The following CIC variants were observed in gnomAD, a reference collection of about 807,000 sequenced individuals.
CIC encodes protein capicua homolog.
A neutral mutation model predicts 115.7 loss-of-function variants in CIC; 18 were observed. The observed-to-expected ratio is 0.16, with a 90% CI of 0.11 to 0.23. The LOEUF is 0.23. Ranked by LOEUF, CIC falls within the 10% of genes least tolerant of loss-of-function variation. The pLI, the probability that CIC is intolerant of heterozygous loss-of-function variation, is 1.00. For missense variants in CIC, 2,000 were observed against 2,159.3 expected, an observed-to-expected ratio of 0.93 and a Z score of 1.46; for synonymous variants, 1,076 against 923.0, an observed-to-expected ratio of 1.17 and a Z score of -3.01.
chr19:42,281,515 C>T (rs2037250354), intron 2 of CIC, among the ~76,000 whole-genome samples: 1 of 152,156 alleles, frequency 6.6e-6, no homozygotes, highest in Non-Finnish European at 1.5e-5. Context: ...GGGTGGCTGC[C>T]ATCACAGTCC....
chr19:42,278,111 G>C (rs1395752445), intron 2 of CIC, among the ~76,000 whole-genome samples: 2 of 152,242 alleles, frequency 1.3e-5, no homozygotes, highest in Non-Finnish European at 2.9e-5. Context: ...ATTTGCTTCC[G>C]CTGGGGGACT....
In CIC at chr19:42,270,229, C is replaced by G. The variant is rs928224246; in HGVS notation, c.-11+848C>G. ...AACTTCTGGGCATTTGGGTGCCAGC[C>G]CCGGGACGCCCTCCAGGCTCTGCCT... On this transcript the variant is annotated intron_variant, in intron 1 of 20. Transcript: ENST00000681038. The surrounding 1 kb of genome is among the most constrained non-coding windows in gnomAD (Gnocchi z 4.1). Among the ~76,000 whole-genome samples the G allele has an allele frequency of 6.6e-6, 1 of 152,110 alleles. No homozygotes were observed. The highest frequency in any genetic ancestry group is 2.4e-5 in the African/African-American group (1 of 41,398).
chr19:42,275,992 G>A (rs574804103), intron 2 of CIC, among the ~76,000 whole-genome samples: 89 of 152,310 alleles, frequency 5.8e-4, no homozygotes, highest in African/African-American at 2.0e-3. Flanking sequence ...GGGATGGGGT[G>A]GAGGAAGCCA....
intron 12 of CIC, 147 bp downstream of exon 12, chr19:42,291,892 C>T (rs899598760): frequency 7.8e-7 from 1 of 1,274,910 alleles, no homozygotes; most frequent in Admixed American, 1.7e-5. Context: ...CATCCTGACT[C>T]TCTCAAGTCC....
chr19:42,284,693 C>T (rs1341052237), intron 2 of CIC: 6 of 1,542,914 alleles, frequency 3.9e-6, no homozygotes, highest in Non-Finnish European at 4.4e-6. Context: ...CGGGTCCCCC[C>T]TGCGCCGGAC....
intron 16 of CIC, 90 bp from the exon 17 acceptor site, chr19:42,293,502 G>C (rs1469691315): frequency 1.9e-6 from 3 of 1,597,918 alleles, no homozygotes; most frequent in Non-Finnish European, 2.6e-6. Flanking sequence ...GGGGTCTGCT[G>C]GGCGGGCTCA....
Position 42,292,291 on chromosome 19 carries a change from C to T in CIC, c.5736-9C>T, listed in dbSNP as rs1415330233. 6.2e-7 allele frequency: 1 copy of T among 1,613,398 alleles called. No individual in the cohort carries two copies. The highest frequency in any genetic ancestry group is 1.7e-5 in the Admixed American group (1 of 60,030). On this transcript the variant is annotated splice_polypyrimidine_tract_variant and intron_variant, in intron 13 of 20. Transcript: ENST00000681038. ...ACCTCACTCCTCCCCATTTCCTCTCCTGCGGCAGAATCACCTATGTGCAGT... is the reference window on the plus strand; with the variant it reads ...ACCTCACTCCTCCCCATTTCCTCTCTTGCGGCAGAATCACCTATGTGCAGT...
intron 2 of CIC, chr19:42,283,998 C>CGGGGGAAGCGGGGAAGGGGCG (rs1351247735): frequency 7.2e-6 from 1 of 138,140 alleles, no homozygotes; most frequent in African/African-American, 2.6e-5. Flanking sequence ...CGGAAGGCCG[C>CGGGGGAAGCGGGGAAGGGGCG]GGGGGAAGCG....
In CIC at chr19:42,291,433, C is replaced by G; in HGVS notation, c.5392C>G (p.Leu1798Val). 2 of 1,613,100 alleles carry G rather than the reference C, an allele frequency of 1.2e-6. No individual in the cohort carries two copies. The highest frequency in any genetic ancestry group is 8.5e-7 in the Non-Finnish European group (1 of 1,179,990). The change falls in exon 11 of 21, where the codon CTG (leucine) becomes GTG (valine). Residue 1798 changes from leucine to valine, a missense_variant. Transcript: ENST00000681038. Reference sequence around the variant, plus strand: ...TGCACCCACTCCTGGCATCCCCATCCTGCAGTCTGTACCCTCCGCCCCACC... The same window carrying G: ...TGCACCCACTCCTGGCATCCCCATCGTGCAGTCTGTACCCTCCGCCCCACC... ...ATAPTPGIPI[L>V]QSVPSAPPPK... is the part of the protein sequence containing the mutation.
rs774821915 is a variant in CIC at position 42,292,627 on chromosome 19, G to A, written c.5964G>A (p.Gln1988=). The change falls in exon 15 of 21, where the codon CAG becomes CAA. Residue 1988 remains glutamine (Q), a synonymous_variant. Coordinates refer to ENST00000681038, the MANE Select transcript of CIC (RefSeq NM_001386298.1). ...QVGVSPVPSP[Q]LPPACAAPGG... ...GCGTGTCACCTGTGCCCAGTCCCCA[G>A]CTGCCGCCTGCCTGTGCAGCCCCCG... is the stretch of plus-strand genomic sequence containing the variant. 6.2e-7 allele frequency: 1 copy of A among 1,613,432 alleles called. No homozygotes were observed.
rs1373913850 is a variant in CIC, at chr19:42,292,367, G to A, written c.5803G>A (p.Ala1935Thr). The change falls in exon 14 of 21, where the codon GCT becomes ACT. Residue 1935 changes from alanine (A) to threonine (T), a missense_variant. This residue lies in a region of CIC where 1,466 missense variants were observed against 1,390.4 expected (regional missense o/e 1.05). Coordinates refer to ENST00000681038, the MANE Select transcript of CIC (RefSeq NM_001386298.1). Reference protein sequence around the residue: ...PLGTSPASSQAGTVTSYGPTS... With the variant: ...PLGTSPASSQTGTVTSYGPTS... ...GGGTACCAGCCCTGCGTCCAGCCAG[G>A]CTGGAACAGTCACCTCGTACGGGCC... The A allele has an allele frequency of 2.5e-6, 4 of 1,612,932 alleles. No homozygotes were observed. Among genetic ancestry groups the A allele is most frequent in the Non-Finnish European group, 3.4e-6 (4 of 1,179,888 alleles).
At chr19:42,289,614 G>A (rs1302106840) in intron 9 of CIC, among the ~76,000 whole-genome samples, 1 of 152,216 alleles carries the variant, frequency 6.6e-6, no homozygotes, top group Non-Finnish European at 1.5e-5. Context: ...GAGGACAGGG[G>A]GCATGACCAG....
rs2036819880 is a variant in CIC at position 42,272,320 on chromosome 19, G to A, written c.537G>A (p.Pro179=). ...SEHSADLEDE[P]AEACGPGPWP... is the part of the protein sequence containing the mutation. ...ACTCGGCGGACCTGGAGGATGAGCCGGCTGAGGCTTGTGGTCCAGGCCCTT... is the reference window on the plus strand; with the variant it reads ...ACTCGGCGGACCTGGAGGATGAGCCAGCTGAGGCTTGTGGTCCAGGCCCTT... The change falls in exon 2 of 21, where the codon CCG becomes CCA. Residue 179 remains proline, a synonymous_variant. Transcript: ENST00000681038. The A allele has an allele frequency of 5.0e-6, 2 of 398,448 alleles. No individual in the cohort carries two copies. The highest frequency in any genetic ancestry group is 3.6e-5 in the East Asian group (1 of 28,080). The allele number at this position is 398,448 out of a possible 1,614,324, so 24.7% of individuals were successfully genotyped here. A position where few individuals can be genotyped will look rare whatever the true frequency, so the allele number is the denominator to read the frequency against.
In CIC at chr19:42,293,033, G is replaced by T. The variant is rs1259403569; in HGVS notation, c.6274G>T (p.Ala2092Ser). Residue 2092 changes from alanine to serine, a missense_variant, in exon 16 of 21, where the codon GCC becomes TCC. Around this residue, in one of 8 missense-constraint regions of CIC, gnomAD observed 1,466 missense variants for 1,390.4 expected, o/e 1.05. Coordinates refer to ENST00000681038, the MANE Select transcript of CIC (RefSeq NM_001386298.1). ...SPKAPQKVKA[A>S]IASIPVGSFE... ...GAAGGCCCCCCAGAAAGTGAAGGCA[G>T]CCATCGCCAGCATTCCCGTGGGGTC... is the stretch of plus-strand genomic sequence containing the variant. 10 of 1,613,030 alleles carry T rather than the reference G, an allele frequency of 6.2e-6. No individual in the cohort carries two copies. The South Asian group carries it at 1.1e-4, about 18-fold the overall frequency.
rs2038198398 is a variant in CIC, at chr19:42,292,419, C to A, written c.5855C>A (p.Thr1952Asn). Residue 1952 changes from threonine to asparagine, a missense_variant, in exon 14 of 21, where the codon ACC becomes AAC. Transcript: ENST00000681038. Reference protein sequence around the residue: ...GPTSSVALGFTSLGPSGPAFV... With the variant: ...GPTSSVALGFNSLGPSGPAFV... The stretch of plus-strand genomic sequence containing the variant: ...ACGAGCTCTGTAGCTCTAGGCTTCA[C>A]CTCGCTGGGGCCCAGCGGCCCCGCC... 1 of 1,611,604 alleles carries A rather than the reference C, an allele frequency of 6.2e-7. No homozygotes were observed. The highest frequency in any genetic ancestry group is 2.2e-5 in the East Asian group (1 of 44,824).
Position 42,295,143 on chromosome 19 carries a change from G to GGGGCGCCCCCCCCCCC in CIC, c.7506_7507insGGGCGCCCCCCCCCCC (p.Pro2503GlyfsTer25). 7.2e-7 allele frequency: 1 copy of GGGGCGCCCCCCCCCCC among 1,382,734 alleles called. No homozygotes were observed. 85.7% of individuals were successfully genotyped at this position (1,382,734 alleles called of 1,614,324 possible). A position where few individuals can be genotyped will look rare whatever the true frequency, so the allele number is the denominator to read the frequency against. ...AGCCTGGCTGGGAGGGGGCTCCCCA[G>GGGGCGCCCCCCCCCCC]CCCTCCCCCCCACCCCCAGGTCCCT... On this transcript the variant is annotated frameshift_variant, in exon 21 of 21. Coordinates refer to ENST00000681038, the MANE Select transcript of CIC (RefSeq NM_001386298.1). LOFTEE classifies it high-confidence loss of function.
In CIC at chr19:42,290,770, G is replaced by A. The variant is rs780133950; in HGVS notation, c.4729G>A (p.Ala1577Thr). Residue 1577 changes from alanine to threonine, a missense_variant, in exon 11 of 21, where the codon GCC (alanine) becomes ACC (threonine). By Grantham distance (58) the Ala-to-Thr change is moderately conservative (BLOSUM62 0). Around this residue, in one of 8 missense-constraint regions of CIC, gnomAD observed 1,466 missense variants for 1,390.4 expected, o/e 1.05. Transcript: ENST00000681038. ...CCCAGCAGCTCCCCTGTCCCGTCCTGCCGCCACCATGGTCACCAATGTGGT... is the reference window on the plus strand; with the variant it reads ...CCCAGCAGCTCCCCTGTCCCGTCCTACCGCCACCATGGTCACCAATGTGGT... ...GAPAAPLSRP[A>T]ATMVTNVVRP... 2 of 1,611,854 alleles carry A rather than the reference G, an allele frequency of 1.2e-6. No individual in the cohort carries two copies. The highest frequency in any genetic ancestry group is 1.7e-6 in the Non-Finnish European group (2 of 1,179,468).
Position 42,294,939 on chromosome 19 carries a change from G to A in CIC, c.7302G>A (p.Thr2434=), listed in dbSNP as rs1326946084. 2.5e-6 allele frequency: 4 copies of A among 1,600,444 alleles called. No homozygotes were observed. The highest frequency in any genetic ancestry group is 2.2e-5 in the East Asian group (1 of 44,866). The change falls in exon 21 of 21, where the codon ACG becomes ACA. Residue 2434 remains threonine (T), a synonymous_variant. Coordinates refer to ENST00000681038, the MANE Select transcript of CIC (RefSeq NM_001386298.1). The part of the protein sequence containing the change: ...RQKIMQAATP[T]EQPPGAEAPL... ...AGATCATGCAGGCTGCCACTCCCAC[G>A]GAGCAGCCCCCTGGAGCTGAGGCTC... is the stretch of plus-strand genomic sequence containing the variant.
rs368811332 is a variant in CIC at position 42,293,113 on chromosome 19, G to A, written c.6354G>A (p.Glu2118=). Residue 2118 remains glutamate, a synonymous_variant, in exon 16 of 21, where the codon GAG becomes GAA. Coordinates refer to ENST00000681038, the MANE Select transcript of CIC (RefSeq NM_001386298.1). ...RPGPAPRQPL[E]PGPVREPTAP... is the part of the protein sequence containing the mutation. ...GCCCTGCACCCCGGCAGCCTCTGGA[G>A]CCTGGCCCAGTCCGAGAGCCAACTG... The A allele has an allele frequency of 1.2e-6, 2 of 1,609,444 alleles. No individual in the cohort carries two copies. The highest frequency in any genetic ancestry group is 1.7e-6 in the Non-Finnish European group (2 of 1,178,554).
Sources: allele counts gnomAD v4.1 joint callset (sites outside exome capture counted in the v4.1 genomes callset), GRCh38; gene constraint gnomAD v4.1.1; regional missense constraint gnomAD v4.1.1; non-coding constraint Gnocchi (gnomAD v3.1); transcripts MANE v1.5; gene names NCBI Gene and HGNC (gene_info 2026-07-23, HGNC 2026-07-21).